The following ZBTB10 variants were observed in gnomAD, a reference collection of about 807,000 sequenced individuals.
ZBTB10 encodes zinc finger and BTB domain-containing protein 10.
A neutral mutation model predicts 76.4 loss-of-function variants in ZBTB10; 32 were observed. The observed-to-expected ratio is 0.42, with a 90% CI of 0.32 to 0.56. The LOEUF (loss-of-function observed/expected upper bound fraction) is 0.56, where lower values mean the gene tolerates loss of function less well. Among genes scored for constraint, ZBTB10 ranks in the 20% least tolerant of loss-of-function variants. The pLI is 0.14. For missense variants in ZBTB10, 1,057 were observed against 1,098.5 expected, an observed-to-expected ratio of 0.96 and a Z score of 0.53; for synonymous variants, 523 against 432.9, an observed-to-expected ratio of 1.21 and a Z score of -2.58.
chr8:80,487,099 C>T lies in ZBTB10; in HGVS notation c.289C>T (p.Pro97Ser), dbSNP rs1194081853. ...CGAGGAAGCCAAGGAGTTGCTGCTCCCCCAAGACGCGGGCGGCCCCACCTC... is the reference window on the plus strand; with the variant it reads ...CGAGGAAGCCAAGGAGTTGCTGCTCTCCCAAGACGCGGGCGGCCCCACCTC... ...AAEEAKELLL[P>S]QDAGGPTSLG... The change falls in exon 1 of 6, where the codon CCC becomes TCC. Residue 97 changes from proline to serine, a missense_variant. Around this residue, in one of 5 missense-constraint regions of ZBTB10, gnomAD observed 556 missense variants for 451.7 expected, o/e 1.23. Transcript: ENST00000455036. The T allele has an allele frequency of 3.3e-6, 5 of 1,517,470 alleles. No homozygotes were observed. In the East Asian group the frequency reaches 1.0e-4, roughly 32 times the overall value. The allele number at this position is 1,517,470 out of a possible 1,614,324, so 94.0% of individuals were successfully genotyped here.
intron 1 of ZBTB10, among the ~76,000 whole-genome samples, chr8:80,496,922 A>AC (rs2131484792): frequency 6.6e-6 from 1 of 152,336 alleles, no homozygotes; most frequent in Admixed American, 6.5e-5. Context: ...TGAACACTGA[A>AC]CCAAATGAGC....
intron 1 of ZBTB10, among the ~76,000 whole-genome samples, chr8:80,490,467 G>C (rs1220339234): frequency 6.6e-6 from 1 of 152,022 alleles, no homozygotes; most frequent in African/African-American, 2.4e-5. Flanking sequence ...AACCTTTTGG[G>C]CTCAAGCAAT....
Position 80,514,023 on chromosome 8 carries a change from A to T in ZBTB10, c.1960+15A>T. 6.2e-7 allele frequency: 1 copy of T among 1,607,660 alleles called. No individual in the cohort carries two copies. Among genetic ancestry groups the T allele is most frequent in the Non-Finnish European group, 8.5e-7 (1 of 1,176,782 alleles). On this transcript the variant is annotated intron_variant, in intron 3 of 5. Transcript: ENST00000455036. ...AGGTGATGCTGGTAGGTACAGTAAGATTTTAGCAACAGTACATTTAAGATT... is the reference window on the plus strand; with the variant it reads ...AGGTGATGCTGGTAGGTACAGTAAGTTTTTAGCAACAGTACATTTAAGATT...
chr8:80,520,794 T>A lies in ZBTB10; in HGVS notation c.*1266T>A, dbSNP rs369788606. The A allele has an allele frequency of 7.8e-4, 108 of 138,134 alleles. No homozygotes were observed. Among genetic ancestry groups the A allele is most frequent in the Non-Finnish European group, 2.6e-4 (17 of 64,822 alleles). 8.6% of individuals were successfully genotyped at this position (138,134 alleles called of 1,614,324 possible). A position where few individuals can be genotyped will look rare whatever the true frequency, so the allele number is the denominator to read the frequency against. ...GAAGCTTTATTATTCTATAAATTCT[T>A]CAGGGTACAAAGGGTGACATATTGA... On this transcript the variant is annotated 3_prime_UTR_variant, in exon 6 of 6. Transcript: ENST00000455036.
At chr8:80,504,054 G>A (rs1815991263) in intron 2 of ZBTB10, among the ~76,000 whole-genome samples, 1 of 152,178 alleles carries the variant, frequency 6.6e-6, no homozygotes, top group African/African-American at 2.4e-5. Context: ...AGAGTAGAAA[G>A]AGGCAGGTTG....
chr8:80,500,546 TTTTC>T (rs1815896986), intron 2 of ZBTB10, among the ~76,000 whole-genome samples, 164 bp downstream of exon 2: 1 of 152,210 alleles, frequency 6.6e-6, no homozygotes, highest in African/African-American at 2.4e-5. Context: ...ATTTGGTATA[TTTTC>T]TTTGTCTTTT....
rs1217349910 is a variant in ZBTB10 at position 80,500,144 on chromosome 8, T to C, written c.1623T>C (p.Asp541=). The C allele has an allele frequency of 3.1e-6, 5 of 1,613,724 alleles. 1 individual carries two copies. In the South Asian group the frequency reaches 5.5e-5, roughly 18 times the overall value. ...TGAATGACAGTAGTTGGGTCCAGGATGGATCTCCTGAAATGGCTGAAAATG... is the reference window on the plus strand; with the variant it reads ...TGAATGACAGTAGTTGGGTCCAGGACGGATCTCCTGAAATGGCTGAAAATG... ...YQMNDSSWVQ[D]GSPEMAENES... is the part of the protein sequence containing the mutation. Residue 541 remains aspartate (D), a synonymous_variant, in exon 2 of 6, where the codon GAT becomes GAC. Transcript: ENST00000455036.
intron 5 of ZBTB10, 69 bp from the exon 6 acceptor site, chr8:80,519,154 T>A: frequency 6.7e-7 from 1 of 1,494,290 alleles, no homozygotes; most frequent in South Asian, 1.3e-5. Context: ...TGTGGTTTAA[T>A]TTGAGTGGTT....
chr8:80,517,771 T>G (rs1040467381), intron 3 of ZBTB10, among the ~76,000 whole-genome samples: 2 of 151,928 alleles, frequency 1.3e-5, no homozygotes, highest in African/African-American at 4.8e-5. Flanking sequence ...AAGCAACTAT[T>G]AGGAGTTCTG....
At chr8:80,505,408 C>T (rs1816024756) in intron 2 of ZBTB10, among the ~76,000 whole-genome samples, 1 of 152,080 alleles carries the variant, frequency 6.6e-6, no homozygotes, top group Non-Finnish European at 1.5e-5. Context: ...TAATCTTTGC[C>T]ACAAGCTGAT....
In ZBTB10 at chr8:80,522,179, T is replaced by A. The variant is rs1816462271; in HGVS notation, c.*2651T>A. 1 of 151,892 alleles carries A rather than the reference T, an allele frequency of 6.6e-6. No homozygotes were observed. The highest frequency in any genetic ancestry group is 2.4e-5 in the African/African-American group (1 of 41,416). The allele number at this position is 151,892 out of a possible 1,614,324, so 9.4% of individuals were successfully genotyped here. On this transcript the variant is annotated 3_prime_UTR_variant, in exon 6 of 6. Transcript: ENST00000455036. ...ATACTACTGGACATTTCTATTTTTT[T>A]AAGTGTATTCTTTTTCTGACTTACA...
chr8:80,487,358 G>A lies in ZBTB10; in HGVS notation c.548G>A (p.Ser183Asn). ...CAGGACGGCGCGTCCCTGAGCGACA[G>A]CACCGAGGACGAGGAGGAGGGGGCG... ...LMQDGASLSD[S>N]TEDEEEGASL... The change falls in exon 1 of 6, where the codon AGC becomes AAC. Residue 183 changes from serine (S) to asparagine (N), a missense_variant. Ser to Asn is a conservative substitution (Grantham distance 46). Coordinates refer to ENST00000455036, the MANE Select transcript of ZBTB10 (RefSeq NM_001105539.3). 6.5e-7 allele frequency: 1 copy of A among 1,529,180 alleles called. No homozygotes were observed. Among genetic ancestry groups the A allele is most frequent in the Admixed American group, 2.0e-5 (1 of 49,200 alleles). The allele number at this position is 1,529,180 out of a possible 1,614,324, so 94.7% of individuals were successfully genotyped here.
chr8:80,486,209 C>G, upstream of ZBTB10: 1 of 1,092,094 alleles, frequency 9.2e-7, no homozygotes, highest in Non-Finnish European at 1.1e-6. Flanking sequence ...GCATTGTGGG[C>G]GCACGGTCCG....
intron 1 of ZBTB10, among the ~76,000 whole-genome samples, chr8:80,491,589 CTG>C (rs909167943): frequency 2.6e-5 from 4 of 152,158 alleles, no homozygotes; most frequent in African/African-American, 7.2e-5. Context: ...CTTTCTGAGT[CTG>C]TGTTTTGAGC....
chr8:80,510,473 C>T (rs796082353), intron 2 of ZBTB10, among the ~76,000 whole-genome samples: 4 of 152,284 alleles, frequency 2.6e-5, no homozygotes, highest in African/African-American at 9.6e-5. Context: ...TGCATACAAT[C>T]CATTTTTGTT....
At position 80,516,055 on chromosome 8, in the gene ZBTB10, AT is replaced by A. The variant is rs1816318180; in HGVS notation, c.1960+2051del. Among the ~76,000 whole-genome samples, 4 of 152,124 alleles carry A rather than the reference AT, an allele frequency of 2.6e-5. No individual in the cohort carries two copies. In the South Asian group the frequency reaches 8.3e-4, roughly 32 times the overall value. On this transcript the variant is annotated intron_variant, in intron 3 of 5. Transcript: ENST00000455036. Reference sequence around the variant, plus strand: ...TGTTATCATGGATGTTGAATCTTGGATTTTCAGTTTACAAATGGTTTTAGGG... The same window carrying A: ...TGTTATCATGGATGTTGAATCTTGGATTTCAGTTTACAAATGGTTTTAGGG...
chr8:80,512,035 G>T (rs2131509710), intron 2 of ZBTB10, among the ~76,000 whole-genome samples: 1 of 152,122 alleles, frequency 6.6e-6, no homozygotes, highest in Middle Eastern at 3.4e-3. Flanking sequence ...TAAGGATTGG[G>T]CAAAGGAGTT....
intron 2 of ZBTB10, among the ~76,000 whole-genome samples, chr8:80,505,018 A>G (rs566761343): frequency 2.0e-5 from 3 of 152,224 alleles, no homozygotes; most frequent in Non-Finnish European, 2.9e-5. Flanking sequence ...TTTTAAATTT[A>G]TACCTGTCAT....
intron 1 of ZBTB10, among the ~76,000 whole-genome samples, chr8:80,495,567 TC>T (rs1815761729): frequency 1.3e-5 from 2 of 152,146 alleles, no homozygotes; most frequent in Non-Finnish European, 2.9e-5. Flanking sequence ...ACACATGCTT[TC>T]TGCTCTTATA....
Sources: gnomAD v4.1 joint callset for allele counts (sites outside exome capture counted in the v4.1 genomes callset) on GRCh38, gnomAD v4.1.1 for gene constraint, gnomAD v4.1.1 regional missense constraint, MANE v1.5 for transcripts, NCBI Gene and HGNC (gene_info 2026-07-23, HGNC 2026-07-21) for gene names.